Variants in SGCZ observed in about 807,000 individuals in gnomAD.
SGCZ encodes the protein sarcoglycan zeta.
Under a neutral mutation model 41.3 loss-of-function variants are expected in SGCZ, and 40 were observed. That is an observed-to-expected ratio of 0.97 (90% CI 0.75 to 1.26). The LOEUF (loss-of-function observed/expected upper bound fraction) is 1.26, where lower values mean the gene tolerates loss of function less well. SGCZ is among the 50% of genes most tolerant of loss of function. SGCZ has a pLI of 0.00. For missense variants in SGCZ, 552 were observed against 369.8 expected, an observed-to-expected ratio of 1.49 and a Z score of -4.04; for synonymous variants, 206 against 137.5, an observed-to-expected ratio of 1.50 and a Z score of -3.49.
intron 1 of SGCZ, among the ~76,000 whole-genome samples, chr8:15,233,515 CT>C (rs1372555242): frequency 1.3e-5 from 2 of 151,698 alleles, no homozygotes; most frequent in East Asian, 1.9e-4. Flanking sequence ...CCATATAATA[CT>C]TTTTTAATGA....
chr8:15,212,081 T>C (rs1002040626), intron 1 of SGCZ, among the ~76,000 whole-genome samples: 5 of 152,142 alleles, frequency 3.3e-5, no homozygotes, highest in Non-Finnish European at 5.9e-5. Flanking sequence ...CAAAAATCTT[T>C]AAAGTTTCTC....
At chr8:15,108,750 T>C (rs573160964) in intron 1 of SGCZ, among the ~76,000 whole-genome samples, 5 of 152,164 alleles carry the variant, frequency 3.3e-5, no homozygotes, top group Non-Finnish European at 7.4e-5. Flanking sequence ...ATTATTAATA[T>C]GTATTGTAAG....
intron 1 of SGCZ, among the ~76,000 whole-genome samples, chr8:14,946,012 A>G (rs1800431179): frequency 5.2e-5 from 2 of 38,690 alleles, no homozygotes; most frequent in African/African-American, 2.0e-4. Context: ...CCCCATATAT[A>G]TATATATATA....
At chr8:14,266,761 A>G (rs994906692) in intron 3 of SGCZ, among the ~76,000 whole-genome samples, 5 of 152,246 alleles carry the variant, frequency 3.3e-5, no homozygotes, top group Middle Eastern at 6.8e-3. Context: ...AGCAAAATCC[A>G]CAATGCCTAA....
At chr8:15,154,632 G>A (rs1249920077) in intron 1 of SGCZ, among the ~76,000 whole-genome samples, 2 of 152,180 alleles carry the variant, frequency 1.3e-5, no homozygotes, top group South Asian at 2.1e-4. Context: ...AGTAACAGGT[G>A]ATCAATATTT....
chr8:14,773,731 G>A (rs1189137332), intron 1 of SGCZ, among the ~76,000 whole-genome samples: 1 of 152,134 alleles, frequency 6.6e-6, no homozygotes, highest in African/African-American at 2.4e-5. Context: ...GGCTGATATG[G>A]TGAGGGGCCT....
At chr8:14,287,280 GA>G (rs1563235629) in intron 3 of SGCZ, among the ~76,000 whole-genome samples, 1 of 151,650 alleles carries the variant, frequency 6.6e-6, no homozygotes, top group African/African-American at 2.4e-5. Context: ...GAAAAAAGGC[GA>G]AAAGGTGGGT....
chr8:14,917,884 A>G (rs1202088547), intron 1 of SGCZ, among the ~76,000 whole-genome samples: 1 of 152,126 alleles, frequency 6.6e-6, no homozygotes, highest in Non-Finnish European at 1.5e-5. Context: ...ATAATATTTG[A>G]CTTTTAACCT....
chr8:14,787,383 T>C (rs1015965134), intron 1 of SGCZ, among the ~76,000 whole-genome samples: 2 of 152,056 alleles, frequency 1.3e-5, no homozygotes, highest in Non-Finnish European at 2.9e-5. Context: ...ATACTTAATA[T>C]ACTTGGTAAA....
At chr8:14,167,657 T>C (rs1205799852) in intron 4 of SGCZ, among the ~76,000 whole-genome samples, 1 of 152,170 alleles carries the variant, frequency 6.6e-6, no homozygotes, top group Non-Finnish European at 1.5e-5. Context: ...ATTAGATATA[T>C]GTGCAAATAT....
intron 2 of SGCZ, among the ~76,000 whole-genome samples, chr8:14,399,205 G>T (rs1027284086): frequency 6.6e-6 from 1 of 152,094 alleles, no homozygotes; most frequent in South Asian, 2.1e-4. Flanking sequence ...CCTGTTAAGT[G>T]TCAGGGTTCC....
intron 1 of SGCZ, among the ~76,000 whole-genome samples, chr8:14,978,190 G>A (rs530210944): frequency 2.0e-5 from 3 of 151,760 alleles, no homozygotes; most frequent in South Asian, 2.1e-4. Context: ...CCTGCTGGCC[G>A]GGTGTGGTGG....
At chr8:14,489,387 A>G (rs183285312) in intron 2 of SGCZ, among the ~76,000 whole-genome samples, 31 of 152,020 alleles carry the variant, frequency 2.0e-4, no homozygotes, top group African/African-American at 7.0e-4. Context: ...TCTTAACAAC[A>G]TTATAAATAT....
At chr8:15,162,068 C>A (rs1435706415) in intron 1 of SGCZ, among the ~76,000 whole-genome samples, 1 of 152,122 alleles carries the variant, frequency 6.6e-6, no homozygotes, top group African/African-American at 2.4e-5. Context: ...TTACTGTAAA[C>A]AGAATCAGTT....
intron 2 of SGCZ, among the ~76,000 whole-genome samples, chr8:14,412,257 A>T (rs557595731): frequency 6.6e-6 from 1 of 152,108 alleles, no homozygotes. Context: ...TTTGGAAAAA[A>T]TCAAACAATA....
intron 3 of SGCZ, among the ~76,000 whole-genome samples, chr8:14,280,721 A>T (rs1189153946): frequency 6.6e-6 from 1 of 151,684 alleles, no homozygotes; most frequent in Non-Finnish European, 1.5e-5. Context: ...GACTTTGGAC[A>T]TCTTTCAAAC....
rs966732349 is a variant in SGCZ at position 14,352,395 on chromosome 8, G to A, written c.235-28191C>T. 6.6e-5 allele frequency among the ~76,000 whole-genome samples: 10 copies of A among 151,956 alleles called. 1 individual carries two copies. Among genetic ancestry groups the A allele is most frequent in the South Asian group, 4.1e-4 (2 of 4,822 alleles). On this transcript the variant is annotated intron_variant, in intron 2 of 7. Transcript: ENST00000382080. ...CAAGAGCACACAAGAAAAGAAATAC[G>A]GCACAAAATGTGTAAAGAAAGGGAA...
intron 2 of SGCZ, among the ~76,000 whole-genome samples, chr8:14,482,542 G>C (rs548020999): frequency 1.7e-4 from 26 of 152,056 alleles, no homozygotes; most frequent in Non-Finnish European, 2.2e-4. Context: ...TTTCTTGCTT[G>C]ATTAAGACGG....
intron 4 of SGCZ, among the ~76,000 whole-genome samples, chr8:14,209,987 C>T (rs1356825764): frequency 8.9e-6 from 1 of 112,622 alleles, no homozygotes; most frequent in East Asian, 2.7e-4. Flanking sequence ...TGTCTTCAAA[C>T]TAACTGTAAA....
Sources: allele counts gnomAD v4.1 joint callset (sites outside exome capture counted in the v4.1 genomes callset), GRCh38; gene constraint gnomAD v4.1.1; transcripts MANE v1.5; gene names NCBI Gene and HGNC (gene_info 2026-07-23, HGNC 2026-07-21).